Variants in ZNF780B observed in about 807,000 individuals in gnomAD.
ZNF780B encodes the protein zinc finger protein 780B.
Under a neutral mutation model 74.1 loss-of-function variants are expected in ZNF780B, and 52 were observed. That is an observed-to-expected ratio of 0.70 (90% CI 0.56 to 0.88). The LOEUF (loss-of-function observed/expected upper bound fraction) is 0.88, where lower values mean the gene tolerates loss of function less well. ZNF780B is among the 40% of genes least tolerant of loss of function. The pLI, the probability that ZNF780B is intolerant of heterozygous loss-of-function variation, is 0.00. For synonymous variants in ZNF780B, 315 were observed against 324.3 expected (o/e 0.97, Z 0.31); for missense variants, 953 against 1,007.6 (o/e 0.95, Z 0.73).
At chr19:40,039,010 G>T (rs1048883452) in intron 4 of ZNF780B, among the ~76,000 whole-genome samples, 1 of 152,196 alleles carries the variant, frequency 6.6e-6, no homozygotes, top group African/African-American at 2.4e-5. Flanking sequence ...GAATGGTATT[G>T]CCCAGGTTTT....
In ZNF780B at chr19:40,031,424, G is replaced by A. The variant is rs1971996518; in HGVS notation, c.*2933C>T. The A allele has an allele frequency of 6.6e-6, 1 of 152,178 alleles. No homozygotes were observed. Among genetic ancestry groups the A allele is most frequent in the Non-Finnish European group, 1.5e-5 (1 of 68,052 alleles). 9.4% of individuals were successfully genotyped at this position (152,178 alleles called of 1,614,324 possible). On this transcript the variant is annotated 3_prime_UTR_variant, in exon 5 of 5. Transcript: ENST00000434248. ...TTTAGGAGAGATGGAGTTTTGCCAT[G>A]TTGGCCAAGTTGGTCTCAAACTCCT...
rs1211825798 is a variant in ZNF780B, at chr19:40,032,661, T to G, written c.*1696A>C. Reference sequence around the variant, plus strand: ...TGAACCCAGGAGGCAGAGCTTGCAGTGAGCCCAGATCGCACCACTGCACTC... The same window carrying G: ...TGAACCCAGGAGGCAGAGCTTGCAGGGAGCCCAGATCGCACCACTGCACTC... On this transcript the variant is annotated 3_prime_UTR_variant, in exon 5 of 5. Coordinates refer to ENST00000434248, the MANE Select transcript of ZNF780B (RefSeq NM_001005851.3). 6.7e-6 allele frequency: 1 copy of G among 148,930 alleles called. No homozygotes were observed. The highest frequency in any genetic ancestry group is 2.0e-4 in the East Asian group (1 of 5,030). 9.2% of individuals were successfully genotyped at this position (148,930 alleles called of 1,614,324 possible).
intron 1 of ZNF780B, chr19:40,055,663 C>T (rs931734329): frequency 8.5e-5 from 13 of 152,216 alleles, no homozygotes; most frequent in African/African-American, 2.7e-4. Flanking sequence ...CTGAGGGACG[C>T]TGGGTTCTCA....
In ZNF780B at chr19:40,048,663, A is replaced by T. The variant is rs1194244597; in HGVS notation, c.136+7T>A. ...GATACAAAAATAACTGGGACCAATG[A>T]CCTTACCCAGTGATATCAGGTGGCT... On this transcript the variant is annotated splice_region_variant and intron_variant, in intron 3 of 4. Coordinates refer to ENST00000434248, the MANE Select transcript of ZNF780B (RefSeq NM_001005851.3). The T allele has an allele frequency of 6.2e-7, 1 of 1,614,024 alleles. No homozygotes were observed. Among genetic ancestry groups the T allele is most frequent in the African/African-American group, 1.3e-5 (1 of 74,900 alleles).
At chr19:40,038,854 TG>T (rs1972489472) in intron 4 of ZNF780B, among the ~76,000 whole-genome samples, 12 of 150,450 alleles carry the variant, frequency 8.0e-5, no homozygotes, top group Admixed American at 7.9e-4. Flanking sequence ...TCTCCCATTT[TG>T]TAGGTTGCCT....
rs1972016516 is a variant in ZNF780B, at chr19:40,031,862, C to CT, written c.*2494dup. 3.4e-6 allele frequency: 1 copy of CT among 290,108 alleles called. No homozygotes were observed. The highest frequency in any genetic ancestry group is 6.9e-6 in the Non-Finnish European group (1 of 144,264). 18.0% of individuals were successfully genotyped at this position (290,108 alleles called of 1,614,324 possible). ...CGTCTCTCCATAGATTACTTACCCA[C>CT]TACAAACTAAATCTTTACAATGGAC... On this transcript the variant is annotated 3_prime_UTR_variant, in exon 5 of 5. Coordinates refer to ENST00000434248, the MANE Select transcript of ZNF780B (RefSeq NM_001005851.3).
intron 3 of ZNF780B, 137 bp downstream of exon 3, chr19:40,048,533 A>G (rs1973050188): frequency 1.4e-6 from 2 of 1,434,836 alleles, no homozygotes; most frequent in Non-Finnish European, 1.9e-6. Flanking sequence ...TTTCAACCCA[A>G]CAAATCTCAA....
intron 4 of ZNF780B, among the ~76,000 whole-genome samples, chr19:40,040,245 T>C (rs1362557950): frequency 6.6e-6 from 1 of 152,240 alleles, no homozygotes; most frequent in African/African-American, 2.4e-5. Context: ...CAGCCTTGCA[T>C]CCCAGGGATG....
chr19:40,048,837 A>G (rs1244721029), intron 2 of ZNF780B, 41 bp from the exon 3 acceptor site: 14 of 1,610,962 alleles, frequency 8.7e-6, no homozygotes, highest in Non-Finnish European at 1.1e-5. Flanking sequence ...AATTGAAGAA[A>G]GTTGTTTCAA....
intron 1 of ZNF780B, among the ~76,000 whole-genome samples, chr19:40,053,961 T>C (rs1973356478): frequency 6.6e-6 from 1 of 152,236 alleles, no homozygotes; most frequent in African/African-American, 2.4e-5. Flanking sequence ...GAGACCACCC[T>C]GGCCAACATG....
intron 2 of ZNF780B, among the ~76,000 whole-genome samples, chr19:40,049,606 C>G (rs1427005714): frequency 6.6e-6 from 1 of 152,138 alleles, no homozygotes; most frequent in Non-Finnish European, 1.5e-5. Flanking sequence ...GGAATTCTAC[C>G]TCAGCTACCT....
Position 40,035,977 on chromosome 19 carries a change from C to G in ZNF780B, c.882G>C (p.Gln294His). The G allele has an allele frequency of 6.2e-7, 1 of 1,613,962 alleles. No individual in the cohort carries two copies. Among genetic ancestry groups the G allele is most frequent in the Non-Finnish European group, 8.5e-7 (1 of 1,179,998 alleles). The change falls in exon 5 of 5, where the codon CAG becomes CAC. Residue 294 changes from glutamine to histidine, a missense_variant. Transcript: ENST00000434248. ...TCTCATTGGAATGAATTTTTTGATGCTGAATAAGATTTGAACCACGATTAA... is the reference window on the plus strand; with the variant it reads ...TCTCATTGGAATGAATTTTTTGATGGTGAATAAGATTTGAACCACGATTAA... ...KAFNRGSNLI[Q>H]HQKIHSNEKP...
At position 40,047,435 on chromosome 19, in the gene ZNF780B, G is replaced by C. The variant is rs1296833616; in HGVS notation, c.172C>G (p.Leu58Val). ...ATCCAGGGCTCTTTCTCTTGCTCTA[G>C]TAATGTAATCACATCTGGCTTAGAA... Reference protein sequence around the residue: ...SISKPDVITLLEQEKEPWIVV... With the variant: ...SISKPDVITLVEQEKEPWIVV... The change falls in exon 4 of 5, where the codon CTA (leucine) becomes GTA (valine). Residue 58 changes from leucine (L) to valine (V), a missense_variant. Leu to Val is a conservative substitution (Grantham distance 32). Transcript: ENST00000434248. 2 of 1,613,594 alleles carry C rather than the reference G, an allele frequency of 1.2e-6. No individual in the cohort carries two copies. Among genetic ancestry groups the C allele is most frequent in the African/African-American group, 2.7e-5 (2 of 74,836 alleles).
intron 4 of ZNF780B, among the ~76,000 whole-genome samples, chr19:40,039,502 C>T (rs1182488754): frequency 2.6e-5 from 4 of 151,612 alleles, no homozygotes; most frequent in East Asian, 1.9e-4. Context: ...TTACCTTGGG[C>T]AGTATGGCCA....
In ZNF780B at chr19:40,035,024, G is replaced by A. The variant is rs1303182878; in HGVS notation, c.1835C>T (p.Pro612Leu). Residue 612 changes from proline (P) to leucine (L), a missense_variant, in exon 5 of 5, where the codon CCC becomes CTC. Pro to Leu is a moderately conservative substitution (Grantham distance 98). Transcript: ENST00000434248. ...CTTGCCACATTCCTTACATTCAAAGGGCTTCTCACCAGTATGAAATTTCTG... is the reference window on the plus strand; with the variant it reads ...CTTGCCACATTCCTTACATTCAAAGAGCTTCTCACCAGTATGAAATTTCTG... ...RHQKFHTGEK[P>L]FECKECGKAF... The A allele has an allele frequency of 3.7e-6, 6 of 1,614,014 alleles. No homozygotes were observed. Among genetic ancestry groups the A allele is most frequent in the East Asian group, 2.2e-5 (1 of 44,880 alleles).
rs769532695 is a variant in ZNF780B, at chr19:40,036,157, G to C, written c.702C>G (p.Thr234=). ...GAATGTTCTTATGGCGATTAAGCTG[G>C]GTGGGAAGATTAAAGGCTTTTCCAC... ...KECGKAFNLP[T]QLNRHKNIHT... The change falls in exon 5 of 5, where the codon ACC becomes ACG. Residue 234 remains threonine (T), a synonymous_variant. Coordinates refer to ENST00000434248, the MANE Select transcript of ZNF780B (RefSeq NM_001005851.3). 1 of 1,613,750 alleles carries C rather than the reference G, an allele frequency of 6.2e-7. No individual in the cohort carries two copies. The highest frequency in any genetic ancestry group is 8.5e-7 in the Non-Finnish European group (1 of 1,179,936).
At chr19:40,036,948 G>A (rs1002412885) in intron 4 of ZNF780B, among the ~76,000 whole-genome samples, 9 of 148,178 alleles carry the variant, frequency 6.1e-5, no homozygotes, top group African/African-American at 5.0e-5. Flanking sequence ...CACTCTTGTC[G>A]CCCAGGCTGC....
chr19:40,055,828 C>T (rs1248229833), intron 1 of ZNF780B, among the ~76,000 whole-genome samples: 2 of 152,228 alleles, frequency 1.3e-5, no homozygotes, highest in Admixed American at 6.5e-5. Flanking sequence ...CTGCTGCAGC[C>T]TCTGCAGCTT....
In ZNF780B at chr19:40,036,536, C is replaced by T; in HGVS notation, c.323G>A (p.Ser108Asn). ...AAAGGCCTCGAGGCCAAGTGTTTTA[C>T]TTATTTGCTTTATAACATGTTTGGG... The part of the protein sequence containing the change: ...NLPKHVIKQI[S>N]KTLGLEAFYF... Residue 108 changes from serine to asparagine, a missense_variant, in exon 5 of 5, where the codon AGT becomes AAT. Transcript: ENST00000434248. 6.3e-7 allele frequency: 1 copy of T among 1,597,428 alleles called. No homozygotes were observed. The highest frequency in any genetic ancestry group is 8.5e-7 in the Non-Finnish European group (1 of 1,173,562).
Sources: gnomAD v4.1 joint callset for allele counts (sites outside exome capture counted in the v4.1 genomes callset) on GRCh38, gnomAD v4.1.1 for gene constraint, MANE v1.5 for transcripts, NCBI Gene and HGNC (gene_info 2026-07-23, HGNC 2026-07-21) for gene names.